The following NFAT5 variants were observed in gnomAD, a reference collection of about 807,000 sequenced individuals.
NFAT5 encodes the protein nuclear factor of activated T-cells 5.
In NFAT5, 31 loss-of-function variants were observed where a neutral mutation model predicts 166.5. That is an observed-to-expected ratio of 0.19 (90% CI 0.14 to 0.25). NFAT5 has a LOEUF of 0.25. NFAT5 is among the 10% of genes least tolerant of loss of function. The probability of loss-of-function intolerance (pLI) is 1.00; values close to 1 mark genes in which losing one functional copy is unlikely to be tolerated. For synonymous variants in NFAT5, 612 were observed against 639.7 expected, an observed-to-expected ratio of 0.96 and a Z score of 0.65; for missense variants, 1,449 against 1,821.8, an observed-to-expected ratio of 0.80 and a Z score of 3.72.
intron 2 of NFAT5, among the ~76,000 whole-genome samples, chr16:69,590,151 GC>G (rs1231756027): frequency 6.6e-6 from 1 of 152,092 alleles, no homozygotes; most frequent in East Asian, 1.9e-4. Flanking sequence ...TCCAGCTTGG[GC>G]GACAGAATGA....
chr16:69,625,423 A>G (rs1213474808), intron 2 of NFAT5, among the ~76,000 whole-genome samples: 2 of 152,034 alleles, frequency 1.3e-5, no homozygotes, highest in Non-Finnish European at 2.9e-5. Context: ...AATCTAATAT[A>G]GGTATTTATG....
chr16:69,651,777 TC>T (rs1055496905), intron 4 of NFAT5, among the ~76,000 whole-genome samples: 10 of 151,958 alleles, frequency 6.6e-5, no homozygotes, highest in African/African-American at 2.4e-4. Flanking sequence ...TTCAAGTGAT[TC>T]TCCTGCCTCA....
chr16:69,588,822 C>T (rs1268191928), intron 2 of NFAT5, among the ~76,000 whole-genome samples: 1 of 151,952 alleles, frequency 6.6e-6, no homozygotes, highest in African/African-American at 2.4e-5. Context: ...AGAGAGAACC[C>T]ATCCATGTTG....
At chr16:69,618,886 T>C (rs1204717793) in intron 2 of NFAT5, among the ~76,000 whole-genome samples, 1 of 152,230 alleles carries the variant, frequency 6.6e-6, no homozygotes, top group African/African-American at 2.4e-5. Context: ...AGTTTACTTC[T>C]TGTTAGATTT....
At chr16:69,596,697 G>T (rs938066530) in intron 2 of NFAT5, among the ~76,000 whole-genome samples, 2 of 147,266 alleles carry the variant, frequency 1.4e-5, no homozygotes, top group Non-Finnish European at 3.0e-5. Context: ...TAGCCTGGGC[G>T]ACAGAGCAAG....
chr16:69,677,071 G>A, intron 9 of NFAT5, 132 bp from the exon 10 acceptor site: 1 of 841,546 alleles, frequency 1.2e-6, no homozygotes, highest in Non-Finnish European at 1.8e-6. Flanking sequence ...CTGTGAACCT[G>A]AGCTTTAAAA....
chr16:69,608,482 C>T (rs1044659525), intron 2 of NFAT5, among the ~76,000 whole-genome samples: 8 of 152,140 alleles, frequency 5.3e-5, no homozygotes, highest in Non-Finnish European at 8.8e-5. Flanking sequence ...GGTGGCCAGG[C>T]GCGGTGGCTC....
chr16:69,644,240 G>A (rs143628041), intron 3 of NFAT5, among the ~76,000 whole-genome samples: 13 of 151,864 alleles, frequency 8.6e-5, no homozygotes, highest in Non-Finnish European at 1.2e-4. Flanking sequence ...AGCCATGATC[G>A]TGCCACTGCA....
intron 2 of NFAT5, among the ~76,000 whole-genome samples, chr16:69,596,319 C>T (rs982872167): frequency 2.0e-5 from 3 of 152,146 alleles, no homozygotes; most frequent in Admixed American, 1.3e-4. Flanking sequence ...ATGTTTTTGA[C>T]ATCTGAGAGG....
At chr16:69,624,330 C>T (rs1224752742) in intron 2 of NFAT5, among the ~76,000 whole-genome samples, 7 of 152,072 alleles carry the variant, frequency 4.6e-5, no homozygotes, top group South Asian at 2.1e-4. Context: ...CTCGGCCTCC[C>T]GAGTAGCTGG....
rs199818366 is a variant in NFAT5 at position 69,697,939 on chromosome 16, C to CTTTTTTTTTTTTTTTTTTTTTTTTTTT, written c.*1605_*1606insTTTTTTTTTTTTTTTTTTTTTTTTTTT. 7.6e-6 allele frequency: 1 copy of CTTTTTTTTTTTTTTTTTTTTTTTTTTT among 131,446 alleles called. No homozygotes were observed. Among genetic ancestry groups the CTTTTTTTTTTTTTTTTTTTTTTTTTTT allele is most frequent in the Non-Finnish European group, 1.6e-5 (1 of 61,470 alleles). The allele number at this position is 131,446 out of a possible 1,614,324, so 8.1% of individuals were successfully genotyped here. On this transcript the variant is annotated 3_prime_UTR_variant, in exon 15 of 15. Coordinates refer to ENST00000349945, the MANE Select transcript of NFAT5 (RefSeq NM_138713.4). ...AATTGTTGAAGGCTACTTTTCTGTTCTTTTTTTTTTTTTTTTTCTATCCTG... is the reference window on the plus strand; with the variant it reads ...AATTGTTGAAGGCTACTTTTCTGTTCTTTTTTTTTTTTTTTTTTTTTTTTTTTTTTTTTTTTTTTTTTTTCTATCCTG...
chr16:69,623,515 A>AT lies in NFAT5; in HGVS notation c.128-2879dup, dbSNP rs947133092. Among the ~76,000 whole-genome samples the AT allele has an allele frequency of 4.3e-4, 63 of 146,688 alleles. 1 individual carries two copies. Among genetic ancestry groups the AT allele is most frequent in the Middle Eastern group, 3.6e-3 (1 of 276 alleles). On this transcript the variant is annotated intron_variant, in intron 2 of 14. Transcript: ENST00000349945. The stretch of plus-strand genomic sequence containing the variant: ...GCTAATTATTATTATTATTATTGTT[A>AT]TTTTTTTTTGAGATGGAGTTTCACT...
Position 69,583,670 on chromosome 16 carries a change from T to C in NFAT5, c.127+15122T>C, listed in dbSNP as rs1188252928. 3.9e-5 allele frequency among the ~76,000 whole-genome samples: 6 copies of C among 152,340 alleles called. 1 individual carries two copies. Among genetic ancestry groups the C allele is most frequent in the Admixed American group, 6.5e-5 (1 of 15,292 alleles). ...AAGTCCAGTTTTGCTTAAATAGTTA[T>C]ACTGGATGGTAAGCTTCTTAAGGGC... is the stretch of plus-strand genomic sequence containing the variant. On this transcript the variant is annotated intron_variant, in intron 2 of 14. Transcript: ENST00000349945.
intron 7 of NFAT5, among the ~76,000 whole-genome samples, chr16:69,664,822 G>A (rs1364449922): frequency 6.6e-6 from 1 of 152,052 alleles, no homozygotes; most frequent in Non-Finnish European, 1.5e-5. Flanking sequence ...GAGGTCAGGA[G>A]ATTGAGACCA....
chr16:69,654,295 T>A (rs989312879), intron 5 of NFAT5, among the ~76,000 whole-genome samples: 6 of 143,322 alleles, frequency 4.2e-5, no homozygotes, highest in Non-Finnish European at 7.8e-5. Flanking sequence ...GAACAGTATT[T>A]TAAGTTAGGA....
intron 2 of NFAT5, among the ~76,000 whole-genome samples, chr16:69,610,225 G>C (rs970038031): frequency 6.6e-6 from 1 of 152,158 alleles, no homozygotes; most frequent in Non-Finnish European, 1.5e-5. Context: ...TGGAAGATAG[G>C]ACGTGAGGGG....
At chr16:69,602,227 C>T (rs1187347741) in intron 2 of NFAT5, among the ~76,000 whole-genome samples, 1 of 150,836 alleles carries the variant, frequency 6.6e-6, no homozygotes, top group African/African-American at 2.4e-5. Context: ...ATGTTATTTT[C>T]CTTTTCTAGA....
At chr16:69,668,035 C>T (rs995891903) in intron 7 of NFAT5, among the ~76,000 whole-genome samples, 4 of 151,924 alleles carry the variant, frequency 2.6e-5, no homozygotes, top group African/African-American at 7.3e-5. Flanking sequence ...GGCGTGATCT[C>T]GGGTCACTGC....
In NFAT5 at chr16:69,647,180, G is replaced by A; in HGVS notation, c.406G>A (p.Gly136Arg). The change falls in exon 4 of 15, where the codon GGG becomes AGG. Residue 136 changes from glycine (G) to arginine (R), a missense_variant. Around this residue, in one of 7 missense-constraint regions of NFAT5, gnomAD observed 172 missense variants for 194.5 expected, o/e 0.88. Transcript: ENST00000349945. This position sits in a 1 kb window ranked among gnomAD's most constrained non-coding sequence, Gnocchi z 4.8. Reference sequence around the variant, plus strand: ...CTCAGCCGTGGGGGTAAGTAACAGAGGGGTAAGTGAAAAGCAGTTAACCAG... The same window carrying A: ...CTCAGCCGTGGGGGTAAGTAACAGAAGGGTAAGTGAAAAGCAGTTAACCAG... ...CSSAVGVSNR[G>R]VSEKQLTSNT... 1 of 1,614,128 alleles carries A rather than the reference G, an allele frequency of 6.2e-7. No homozygotes were observed. The highest frequency in any genetic ancestry group is 8.5e-7 in the Non-Finnish European group (1 of 1,179,994).
Sources: allele counts gnomAD v4.1 joint callset (sites outside exome capture counted in the v4.1 genomes callset), GRCh38; gene constraint gnomAD v4.1.1; regional missense constraint gnomAD v4.1.1; non-coding constraint Gnocchi (gnomAD v3.1); transcripts MANE v1.5; gene names NCBI Gene and HGNC (gene_info 2026-07-23, HGNC 2026-07-21).